HCN1: variants seen among roughly 807,000 people sequenced by gnomAD.
HCN1 encodes the protein potassium/sodium hyperpolarization-activated cyclic nucleotide-gated channel 1.
Under a neutral mutation model 78.9 loss-of-function variants are expected in HCN1, and 13 were observed. The observed-to-expected ratio is 0.16, with a 90% CI of 0.11 to 0.26. The LOEUF (loss-of-function observed/expected upper bound fraction) is 0.26, where lower values mean the gene tolerates loss of function less well. Among genes scored for constraint, HCN1 ranks in the 10% least tolerant of loss-of-function variants. HCN1 has a pLI of 1.00. For missense variants in HCN1, 810 were observed against 1,154.3 expected, an observed-to-expected ratio of 0.70 and a Z score of 4.32; for synonymous variants, 552 against 455.5, an observed-to-expected ratio of 1.21 and a Z score of -2.70.
intron 3 of HCN1, among the ~76,000 whole-genome samples, chr5:45,444,127 C>T (rs552038437): frequency 6.6e-6 from 1 of 152,248 alleles, no homozygotes; most frequent in African/African-American, 2.4e-5. Flanking sequence ...TTCTGCTACA[C>T]TTTTGGCAGG....
chr5:45,568,636 TTC>T (rs747304584), intron 2 of HCN1, among the ~76,000 whole-genome samples: 3 of 152,114 alleles, frequency 2.0e-5, no homozygotes, highest in African/African-American at 7.2e-5. Flanking sequence ...TCATTTTTTA[TTC>T]TGTTATCCAT....
At chr5:45,578,429 G>GA (rs562160883) in intron 2 of HCN1, among the ~76,000 whole-genome samples, 31 of 148,214 alleles carry the variant, frequency 2.1e-4, no homozygotes, top group Non-Finnish European at 2.7e-4. Context: ...TTGCTATGGA[G>GA]AAAAAAAAAA....
chr5:45,472,667 C>T (rs1044566924), intron 2 of HCN1, among the ~76,000 whole-genome samples: 2 of 150,552 alleles, frequency 1.3e-5, no homozygotes, highest in African/African-American at 4.9e-5. Flanking sequence ...GGGGGAGATC[C>T]CAGTTCAGAA....
chr5:45,633,576 T>C (rs1264140217), intron 2 of HCN1, among the ~76,000 whole-genome samples: 2 of 152,010 alleles, frequency 1.3e-5, no homozygotes, highest in African/African-American at 4.8e-5. Flanking sequence ...ATTTATTTCC[T>C]TTTCTAATTC....
chr5:45,284,104 A>G (rs550301001), intron 6 of HCN1, among the ~76,000 whole-genome samples: 44 of 152,222 alleles, frequency 2.9e-4, no homozygotes, highest in South Asian at 1.2e-3. Flanking sequence ...GAACTCATGA[A>G]CACAAAGAAG....
intron 2 of HCN1, among the ~76,000 whole-genome samples, chr5:45,529,990 C>T (rs1742805957): frequency 6.6e-6 from 1 of 152,038 alleles, no homozygotes; most frequent in African/African-American, 2.4e-5. Context: ...CTGGATTTTC[C>T]TGTTTTTCAC....
chr5:45,270,478 G>A (rs1744941025), intron 6 of HCN1, among the ~76,000 whole-genome samples: 1 of 152,142 alleles, frequency 6.6e-6, no homozygotes. Context: ...CATGGTTGCT[G>A]GCTATGGAAC....
intron 4 of HCN1, among the ~76,000 whole-genome samples, chr5:45,394,225 A>G (rs1739640503): frequency 6.6e-6 from 1 of 152,154 alleles, no homozygotes; most frequent in Non-Finnish European, 1.5e-5. Context: ...AAGGAAGGCT[A>G]GATACACTCT....
At chr5:45,436,144 G>A (rs1740557156) in intron 3 of HCN1, among the ~76,000 whole-genome samples, 1 of 152,134 alleles carries the variant, frequency 6.6e-6, no homozygotes, top group Non-Finnish European at 1.5e-5. Flanking sequence ...CTGCTGTATG[G>A]CTTCTGTGAA....
chr5:45,645,026 A>C, intron 2 of HCN1, 159 bp downstream of exon 2: 1 of 597,346 alleles, frequency 1.7e-6, no homozygotes, highest in South Asian at 2.2e-5. Flanking sequence ...TATTTTAGGG[A>C]TACAAATATA....
At chr5:45,396,413 G>T in intron 4 of HCN1, 79 bp downstream of exon 4, 4 of 996,310 alleles carry the variant, frequency 4.0e-6, no homozygotes, top group African/African-American at 1.6e-5. Flanking sequence ...AGGAGATGGT[G>T]TAGTTATCTT....
chr5:45,474,824 A>T, intron 2 of HCN1, among the ~76,000 whole-genome samples: 1 of 151,948 alleles, frequency 6.6e-6, no homozygotes, highest in East Asian at 1.9e-4. Flanking sequence ...ATGTCTTGGT[A>T]TCTCAAGGAC....
At chr5:45,476,569 C>A (rs1020242847) in intron 2 of HCN1, among the ~76,000 whole-genome samples, 1 of 152,146 alleles carries the variant, frequency 6.6e-6, no homozygotes, top group Admixed American at 6.6e-5. Flanking sequence ...TTTAATTCCT[C>A]CTGAAAACCT....
At chr5:45,695,611 G>C (rs955657236) in intron 1 of HCN1, 58 bp downstream of exon 1, 1 of 1,558,128 alleles carries the variant, frequency 6.4e-7, no homozygotes, top group Admixed American at 1.7e-5. Flanking sequence ...CAAGGGCGGG[G>C]AAGCGCGTTT....
chr5:45,480,487 T>C (rs1243077205), intron 2 of HCN1, among the ~76,000 whole-genome samples: 3 of 152,136 alleles, frequency 2.0e-5, no homozygotes, highest in East Asian at 1.9e-4. Flanking sequence ...CTGGAAGAGA[T>C]GGCATTTATA....
chr5:45,262,641 C>T lies in HCN1; in HGVS notation c.1953G>A (p.Ser651=), dbSNP rs761466382. 1.9e-6 allele frequency: 3 copies of T among 1,613,890 alleles called. No individual in the cohort carries two copies. Among genetic ancestry groups the T allele is most frequent in the Non-Finnish European group, 2.5e-6 (3 of 1,180,002 alleles). The change falls in exon 8 of 8, where the codon TCG becomes TCA. Residue 651 remains serine (S), a synonymous_variant. Transcript: ENST00000303230. ...TGCGGGAGGTCGGGGTCGTAGTAGA[C>T]GATGTGGAATTCAGGGTTGTCATTT... is the stretch of plus-strand genomic sequence containing the variant. ...YPQMTTLNST[S]STTTPTSRMR... is the part of the protein sequence containing the mutation.
intron 2 of HCN1, chr5:45,576,282 G>A (rs1743943753): frequency 6.6e-6 from 1 of 152,134 alleles, no homozygotes; most frequent in African/African-American, 2.4e-5. Flanking sequence ...ACCTGATAAA[G>A]ATGCTATGAA....
intron 1 of HCN1, among the ~76,000 whole-genome samples, chr5:45,685,566 G>A (rs1380931840): frequency 6.6e-6 from 1 of 152,184 alleles, no homozygotes; most frequent in East Asian, 1.9e-4. Flanking sequence ...TACAAAATTA[G>A]CTGGGCGTGG....
At chr5:45,587,539 G>T (rs1276415286) in intron 2 of HCN1, among the ~76,000 whole-genome samples, 2 of 149,128 alleles carry the variant, frequency 1.3e-5, no homozygotes, top group Non-Finnish European at 3.0e-5. Flanking sequence ...TCACACACTG[G>T]GGCCTCTTGT....
Sources: gnomAD v4.1 joint callset for allele counts (sites outside exome capture counted in the v4.1 genomes callset) on GRCh38, gnomAD v4.1.1 for gene constraint, MANE v1.5 for transcripts, NCBI Gene and HGNC (gene_info 2026-07-23, HGNC 2026-07-21) for gene names.